The following TMEM132B variants were observed in gnomAD, a reference collection of about 807,000 sequenced individuals.
The protein encoded by TMEM132B is transmembrane protein 132B.
A neutral mutation model predicts 90.8 loss-of-function variants in TMEM132B; 18 were observed. The ratio of observed to expected loss-of-function variants is 0.20; its 90% CI spans 0.14 to 0.29. The LOEUF (loss-of-function observed/expected upper bound fraction) is 0.29, where lower values mean the gene tolerates loss of function less well. Ranked by LOEUF, TMEM132B falls within the 10% of genes least tolerant of loss-of-function variation. The pLI is 1.00. For synonymous variants in TMEM132B, 504 were observed against 523.3 expected (o/e 0.96, Z 0.50); for missense variants, 1,096 against 1,326.8 (o/e 0.83, Z 2.70).
intron 2 of TMEM132B, among the ~76,000 whole-genome samples, chr12:125,392,411 A>C (rs1879051758): frequency 1.3e-5 from 2 of 152,228 alleles, no homozygotes; most frequent in African/African-American, 4.8e-5. Flanking sequence ...CAAGGCTGCC[A>C]TCCAAGTGGG....
intron 1 of TMEM132B, among the ~76,000 whole-genome samples, chr12:125,305,684 G>A (rs1284894790): frequency 6.6e-6 from 1 of 152,144 alleles, no homozygotes; most frequent in East Asian, 1.9e-4. Context: ...TTTGTGGGAT[G>A]GCAAAGAAAA....
chr12:125,336,203 G>A (rs1322357298), intron 1 of TMEM132B, among the ~76,000 whole-genome samples: 1 of 152,094 alleles, frequency 6.6e-6, no homozygotes, highest in South Asian at 2.1e-4. Flanking sequence ...CATCCCTCTG[G>A]TTCAATTTTT....
intron 2 of TMEM132B, among the ~76,000 whole-genome samples, chr12:125,411,550 GA>G: frequency 6.6e-6 from 1 of 152,192 alleles, no homozygotes; most frequent in Non-Finnish European, 1.5e-5. Context: ...AAAAACCGGA[GA>G]TGCCCAGTTG....
At chr12:125,527,921 T>C (rs778196673) in intron 4 of TMEM132B, among the ~76,000 whole-genome samples, 2 of 152,242 alleles carry the variant, frequency 1.3e-5, no homozygotes, top group East Asian at 3.8e-4. Context: ...GTTGAAACTA[T>C]TAGGCCTTGG....
chr12:125,224,333 G>A (rs1171766035), intron 1 of TMEM132B, among the ~76,000 whole-genome samples: 3 of 152,186 alleles, frequency 2.0e-5, no homozygotes, highest in Admixed American at 2.0e-4. Context: ...AAGTGGAATT[G>A]CCGGGTCATA....
intron 2 of TMEM132B, among the ~76,000 whole-genome samples, chr12:125,399,184 G>T (rs1879242290): frequency 6.6e-6 from 1 of 152,150 alleles, no homozygotes; most frequent in South Asian, 2.1e-4. Context: ...CAGTGCCTTT[G>T]CATTATTTAA....
At chr12:125,528,222 C>T (rs1883547004) in intron 4 of TMEM132B, among the ~76,000 whole-genome samples, 1 of 151,930 alleles carries the variant, frequency 6.6e-6, no homozygotes, top group Admixed American at 6.6e-5. Context: ...AATTACTGAG[C>T]TTTGAGCTTA....
chr12:125,468,638 G>T (rs1227462549), intron 3 of TMEM132B, among the ~76,000 whole-genome samples: 1 of 152,168 alleles, frequency 6.6e-6, no homozygotes, highest in African/African-American at 2.4e-5. Context: ...GTTTATGGCA[G>T]TATCATACTG....
At chr12:125,517,327 ATTTTTTTTTTTT>A (rs56147854) in intron 3 of TMEM132B, among the ~76,000 whole-genome samples, 21 of 28,480 alleles carry the variant, frequency 7.4e-4, no homozygotes, top group Non-Finnish European at 1.2e-3. Context: ...TGCCCTGCTG[ATTTTTTTTTTTT>A]TTTTTTTTTT....
chr12:125,439,330 A>G (rs894907767), intron 3 of TMEM132B, among the ~76,000 whole-genome samples: 3 of 152,112 alleles, frequency 2.0e-5, no homozygotes, highest in Non-Finnish European at 2.9e-5. Flanking sequence ...TGTTTGTGTC[A>G]GCTCTGATTT....
intron 1 of TMEM132B, among the ~76,000 whole-genome samples, chr12:125,253,501 C>T (rs900993786): frequency 6.9e-6 from 1 of 145,724 alleles, no homozygotes; most frequent in Non-Finnish European, 1.5e-5. Context: ...GTGGTATAAT[C>T]ATGGCTCCCT....
chr12:125,473,199 G>A (rs1289337117), intron 3 of TMEM132B, among the ~76,000 whole-genome samples: 1 of 152,060 alleles, frequency 6.6e-6, no homozygotes, highest in Non-Finnish European at 1.5e-5. Flanking sequence ...TGCACTTGCT[G>A]TTCCCCCTTC....
At chr12:125,404,210 A>G (rs993012612) in intron 2 of TMEM132B, among the ~76,000 whole-genome samples, 2 of 152,164 alleles carry the variant, frequency 1.3e-5, no homozygotes, top group African/African-American at 4.8e-5. Flanking sequence ...TGCAACTGCT[A>G]TGACATGTCC....
chr12:125,430,463 G>A (rs1880467194), intron 3 of TMEM132B, among the ~76,000 whole-genome samples: 1 of 152,210 alleles, frequency 6.6e-6, no homozygotes, highest in Non-Finnish European at 1.5e-5. Context: ...TCTGAGATGG[G>A]AGGAATGAGG....
At chr12:125,520,684 G>T (rs1320637819) in intron 4 of TMEM132B, among the ~76,000 whole-genome samples, 1 of 152,092 alleles carries the variant, frequency 6.6e-6, no homozygotes, top group African/African-American at 2.4e-5. Context: ...TCATCATCCT[G>T]TTTTATCTTC....
chr12:125,505,177 A>AC (rs1566056567), intron 3 of TMEM132B, among the ~76,000 whole-genome samples: 2 of 137,180 alleles, frequency 1.5e-5, no homozygotes, highest in African/African-American at 3.0e-5. Context: ...AAAAAAAAAA[A>AC]AAAAAAAAAA....
intron 2 of TMEM132B, among the ~76,000 whole-genome samples, chr12:125,405,725 T>G (rs978164939): frequency 6.6e-6 from 1 of 152,218 alleles, no homozygotes; most frequent in African/African-American, 2.4e-5. Context: ...ATTTCGCATT[T>G]GTAAGTCTAG....
chr12:125,378,152 T>C (rs1878550406), intron 2 of TMEM132B, among the ~76,000 whole-genome samples: 1 of 152,016 alleles, frequency 6.6e-6, no homozygotes, highest in African/African-American at 2.4e-5. Context: ...GATGCTGGTG[T>C]TGGGGTCAGG....
At chr12:125,481,389 A>G (rs908415441) in intron 3 of TMEM132B, among the ~76,000 whole-genome samples, 1 of 152,274 alleles carries the variant, frequency 6.6e-6, no homozygotes, top group Admixed American at 6.5e-5. Context: ...CCTTAAGCTG[A>G]TAAGCTACTT....
Sources: allele counts gnomAD v4.1 joint callset (sites outside exome capture counted in the v4.1 genomes callset), GRCh38; gene constraint gnomAD v4.1.1; transcripts MANE v1.5; gene names NCBI Gene and HGNC (gene_info 2026-07-23, HGNC 2026-07-21).